Variants in RBFOX1 observed in about 807,000 individuals in gnomAD.
RBFOX1 encodes the protein RNA binding protein fox-1 homolog 1.
A neutral mutation model predicts 57.7 loss-of-function variants in RBFOX1; 8 were observed. The ratio of observed to expected loss-of-function variants is 0.14; its 90% confidence interval spans 0.08 to 0.25. The LOEUF is 0.25. Ranked by LOEUF, RBFOX1 falls within the 10% of genes least tolerant of loss-of-function variation. RBFOX1 has a pLI of 1.00. For missense variants in RBFOX1, 611 were observed against 548.5 expected, an observed-to-expected ratio of 1.11 and a Z score of -1.14; for synonymous variants, 326 against 222.4, an observed-to-expected ratio of 1.47 and a Z score of -4.15.
intron 9 of RBFOX1, among the ~76,000 whole-genome samples, chr16:7,604,581 C>G (rs1333986296): frequency 6.6e-6 from 1 of 152,076 alleles, no homozygotes; most frequent in South Asian, 2.1e-4. Context: ...AAATAAACAG[C>G]AGATTATAGG....
intron 1 of RBFOX1, among the ~76,000 whole-genome samples, chr16:5,408,305 C>A (rs1458433079): frequency 6.6e-6 from 1 of 152,212 alleles, no homozygotes; most frequent in South Asian, 2.1e-4. Flanking sequence ...TTGAACTCAG[C>A]TCCGCCACTG....
chr16:6,437,006 G>A (rs1399753938), intron 2 of RBFOX1, among the ~76,000 whole-genome samples: 1 of 152,132 alleles, frequency 6.6e-6, no homozygotes, highest in Non-Finnish European at 1.5e-5. Flanking sequence ...TATATAGAGA[G>A]AAGAAACAGT....
rs1413925275 is a variant in RBFOX1 at position 7,712,958 on chromosome 16, G to T, written c.*2213G>T. 2.6e-5 allele frequency: 4 copies of T among 152,184 alleles called. No homozygotes were observed. The highest frequency in any genetic ancestry group is 6.5e-5 in the Admixed American group (1 of 15,278). 9.4% of individuals were successfully genotyped at this position (152,184 alleles called of 1,614,324 possible). ...ATGAGCTGTACTTTCCCCCATGACT[G>T]TATGTAGTTTTAATAAAATCATTTA... On this transcript the variant is annotated 3_prime_UTR_variant, in exon 16 of 16. Coordinates refer to ENST00000550418, the MANE Select transcript of RBFOX1 (RefSeq NM_018723.4).
chr16:6,253,717 A>C (rs1426252877), intron 1 of RBFOX1, among the ~76,000 whole-genome samples: 1 of 151,498 alleles, frequency 6.6e-6, no homozygotes, highest in African/African-American at 2.4e-5. Flanking sequence ...ATATATATGT[A>C]CCTATACAGA....
chr16:7,567,863 A>C (rs2092282300), intron 5 of RBFOX1, among the ~76,000 whole-genome samples: 1 of 132,224 alleles, frequency 7.6e-6, no homozygotes, highest in Non-Finnish European at 1.6e-5. Flanking sequence ...ATCCATATAT[A>C]TACCTCTCTA....
intron 1 of RBFOX1, among the ~76,000 whole-genome samples, chr16:6,042,831 G>A (rs938054027): frequency 1.3e-5 from 2 of 152,092 alleles, no homozygotes; most frequent in Non-Finnish European, 2.9e-5. Context: ...AGTAGCCTGC[G>A]GCTTACAGAT....
intron 4 of RBFOX1, among the ~76,000 whole-genome samples, chr16:7,501,567 G>C (rs1053036226): frequency 6.6e-6 from 1 of 152,118 alleles, no homozygotes; most frequent in Non-Finnish European, 1.5e-5. Flanking sequence ...TATTTTATAG[G>C]TCCTATGTCT....
At position 7,171,498 on chromosome 16, in the gene RBFOX1, G is replaced by A. The variant is rs544360071; in HGVS notation, c.27+119400G>A. Among the ~76,000 whole-genome samples the A allele has an allele frequency of 9.8e-5, 15 of 152,314 alleles. No homozygotes were observed. The East Asian group carries it at 2.5e-3, about 25-fold the overall frequency. ...GGATTATAGAAAGAGATTTCTTTCA[G>A]TGTGAATCCTTAATGTGACACAAAA... On this transcript the variant is annotated intron_variant, in intron 4 of 15. Transcript: ENST00000550418.
chr16:5,931,128 G>A (rs80235070), intron 4 of RBFOX1, among the ~76,000 whole-genome samples: 10,130 of 152,172 alleles, frequency 0.067, 440 homozygotes, highest in South Asian at 0.098. Flanking sequence ...CTCTCTGCAC[G>A]TAGGGCTATT....
chr16:7,677,766 C>T (rs1239539926), intron 14 of RBFOX1, among the ~76,000 whole-genome samples: 12 of 152,086 alleles, frequency 7.9e-5, no homozygotes, highest in Non-Finnish European at 1.5e-4. Context: ...ATATGTTTCA[C>T]GAATAAAACA....
intron 2 of RBFOX1, among the ~76,000 whole-genome samples, chr16:5,581,435 C>G (rs2046662668): frequency 6.6e-6 from 1 of 152,170 alleles, no homozygotes; most frequent in Non-Finnish European, 1.5e-5. Context: ...CCAGTGGCAA[C>G]CTTGGAACAG....
At chr16:5,444,383 G>A (rs1266228631) in intron 1 of RBFOX1, among the ~76,000 whole-genome samples, 2 of 152,222 alleles carry the variant, frequency 1.3e-5, no homozygotes, top group East Asian at 1.9e-4. Flanking sequence ...TTTCAAGCAT[G>A]TAAACCATGT....
At chr16:6,009,823 T>TGTGTGTGTGTGTGTGC (rs1037166099) in intron 4 of RBFOX1, among the ~76,000 whole-genome samples, 6 of 151,860 alleles carry the variant, frequency 4.0e-5, no homozygotes, top group African/African-American at 1.5e-4. Flanking sequence ...TGTCTGTGTG[T>TGTGTGTGTGTGTGTGC]GTGTGTGTGT....
At chr16:7,662,186 G>T (rs541034539) in intron 12 of RBFOX1, among the ~76,000 whole-genome samples, 11 of 152,314 alleles carry the variant, frequency 7.2e-5, no homozygotes, top group African/African-American at 2.6e-4. Context: ...AGAGACAGAT[G>T]AGGTTCCACC....
intron 3 of RBFOX1, among the ~76,000 whole-genome samples, chr16:6,872,956 C>T (rs1003548457): frequency 2.6e-5 from 4 of 152,148 alleles, no homozygotes; most frequent in Non-Finnish European, 5.9e-5. Flanking sequence ...CTTCCCCGGC[C>T]GCAGCTGGTC....
chr16:7,673,057 A>G (rs919135176), intron 13 of RBFOX1, among the ~76,000 whole-genome samples: 1 of 151,982 alleles, frequency 6.6e-6, no homozygotes, highest in African/African-American at 2.4e-5. Context: ...CTTTACCCCT[A>G]GTTAAGCTGA....
chr16:7,128,885 A>G (rs971627262), intron 4 of RBFOX1, among the ~76,000 whole-genome samples: 7 of 146,362 alleles, frequency 4.8e-5, no homozygotes, highest in African/African-American at 1.3e-4. Context: ...CAGTGGTGCA[A>G]TCTCGGCTCA....
chr16:6,059,367 T>C (rs985796824), intron 1 of RBFOX1: 1 of 152,150 alleles, frequency 6.6e-6, no homozygotes, highest in African/African-American at 2.4e-5. Context: ...AATAGGGTGA[T>C]TTATATAGAG....
intron 3 of RBFOX1, among the ~76,000 whole-genome samples, chr16:5,835,692 C>CT (rs2056434286): frequency 6.6e-6 from 1 of 152,236 alleles, no homozygotes; most frequent in South Asian, 2.1e-4. Context: ...AAAACAGTCT[C>CT]ATCTGCCACC....
Sources: gnomAD v4.1 joint callset for allele counts (sites outside exome capture counted in the v4.1 genomes callset) on GRCh38, gnomAD v4.1.1 for gene constraint, MANE v1.5 for transcripts, NCBI Gene and HGNC (gene_info 2026-07-23, HGNC 2026-07-21) for gene names.